MBD5: variants seen among roughly 807,000 people sequenced by gnomAD.
The protein encoded by MBD5 is methyl-CpG-binding domain protein 5.
MBD5 carries 13 observed loss-of-function variants against 117.3 expected under a neutral mutation model. The ratio of observed to expected loss-of-function variants is 0.11; its 90% CI spans 0.07 to 0.18. The LOEUF (loss-of-function observed/expected upper bound fraction) is 0.18. Ranked by LOEUF, MBD5 falls within the 10% of genes least tolerant of loss-of-function variation. The pLI, the probability that MBD5 is intolerant of heterozygous loss-of-function variation, is 1.00. For synonymous variants in MBD5, 727 were observed against 766.4 expected (o/e 0.95, Z 0.85); for missense variants, 1,879 against 2,093.8 (o/e 0.90, Z 2.00).
intron 2 of MBD5, among the ~76,000 whole-genome samples, chr2:148,221,066 A>G (rs977293946): frequency 2.0e-5 from 3 of 152,128 alleles, no homozygotes; most frequent in Non-Finnish European, 2.9e-5. Context: ...ACTTAGCATA[A>G]TGACCTCTAG....
intron 3 of MBD5, among the ~76,000 whole-genome samples, chr2:148,339,485 A>G (rs2105124455): frequency 6.6e-6 from 1 of 152,230 alleles, no homozygotes; most frequent in African/African-American, 2.4e-5. Flanking sequence ...ATAAATAAGC[A>G]AGAAAATGGA....
At chr2:148,446,618 G>GTGTGTGTA (rs1334221139) in intron 4 of MBD5, among the ~76,000 whole-genome samples, 2 of 151,900 alleles carry the variant, frequency 1.3e-5, no homozygotes, top group African/African-American at 4.8e-5. Flanking sequence ...GTGTGTGTGT[G>GTGTGTGTA]TGTGTGTGTG....
chr2:148,423,911 G>A (rs1321423785), intron 4 of MBD5, among the ~76,000 whole-genome samples: 1 of 151,978 alleles, frequency 6.6e-6, no homozygotes, highest in Non-Finnish European at 1.5e-5. Flanking sequence ...AGGCATGGTG[G>A]CTCACGCCTG....
intron 9 of MBD5, 117 bp from the exon 10 acceptor site, chr2:148,485,625 C>A: frequency 1.3e-6 from 1 of 769,046 alleles, no homozygotes; most frequent in Non-Finnish European, 2.2e-6. Flanking sequence ...AAAAGAAAAG[C>A]ATTACCCAAG....
At chr2:148,386,611 T>C (rs201805255) in intron 4 of MBD5, among the ~76,000 whole-genome samples, 6 of 145,884 alleles carry the variant, frequency 4.1e-5, no homozygotes, top group African/African-American at 1.3e-4. Flanking sequence ...CCCAGCTACT[T>C]GGGAGGCTGA....
chr2:148,080,477 C>T (rs1695620549), intron 1 of MBD5, among the ~76,000 whole-genome samples: 1 of 151,998 alleles, frequency 6.6e-6, no homozygotes, highest in Admixed American at 6.6e-5. Flanking sequence ...ACTTTTTGCT[C>T]TATATATAAT....
chr2:148,157,669 G>C (rs1697908151), intron 1 of MBD5, among the ~76,000 whole-genome samples: 1 of 152,126 alleles, frequency 6.6e-6, no homozygotes, highest in Admixed American at 6.5e-5. Context: ...TTTTTAAAAG[G>C]TAAAGCCTTG....
At chr2:148,355,301 G>A in intron 4 of MBD5, among the ~76,000 whole-genome samples, 1 of 144,562 alleles carries the variant, frequency 6.9e-6, no homozygotes, top group East Asian at 2.0e-4. Context: ...GTCGATTTTG[G>A]CTTTTTTTTT....
At chr2:148,418,236 G>C (rs1476325042) in intron 4 of MBD5, among the ~76,000 whole-genome samples, 2 of 152,086 alleles carry the variant, frequency 1.3e-5, no homozygotes, top group African/African-American at 4.8e-5. Context: ...CTCCTATTCT[G>C]TGGGTTGTCT....
chr2:148,076,498 A>G (rs1163696303), intron 1 of MBD5, among the ~76,000 whole-genome samples: 2 of 152,124 alleles, frequency 1.3e-5, no homozygotes, highest in East Asian at 1.9e-4. Context: ...TTCTTTCATC[A>G]TGCTGGAAAG....
intron 3 of MBD5, among the ~76,000 whole-genome samples, chr2:148,302,882 A>G (rs1701807079): frequency 6.6e-6 from 1 of 150,976 alleles, no homozygotes; most frequent in Non-Finnish European, 1.5e-5. Flanking sequence ...CTTTCATCTT[A>G]CTCTTTTCAA....
intron 1 of MBD5, among the ~76,000 whole-genome samples, chr2:148,031,050 T>C (rs1558894232): frequency 6.6e-6 from 1 of 152,138 alleles, no homozygotes. Context: ...TATAAAGTGG[T>C]AGACAATTTC....
At chr2:148,389,250 ACATATATATATATATATATATAT>A (rs1182233489) in intron 4 of MBD5, among the ~76,000 whole-genome samples, 10 of 29,148 alleles carry the variant, frequency 3.4e-4, no homozygotes, top group African/African-American at 1.2e-3. Context: ...GGAAAAAAAA[ACATATATATATATATATATATAT>A]ATATATATAT....
chr2:148,464,071 A>G, intron 7 of MBD5, 152 bp downstream of exon 7: 1 of 863,340 alleles, frequency 1.2e-6, no homozygotes, highest in South Asian at 1.8e-5. Flanking sequence ...TACAAATAGC[A>G]AACTAGTTCT....
intron 1 of MBD5, among the ~76,000 whole-genome samples, chr2:148,155,120 C>A (rs920719919): frequency 2.0e-5 from 3 of 152,120 alleles, no homozygotes; most frequent in Non-Finnish European, 4.4e-5. Flanking sequence ...TTGACAAATT[C>A]TTTGGAGAAA....
chr2:148,370,719 G>A (rs1467584818), intron 4 of MBD5, among the ~76,000 whole-genome samples: 1 of 152,080 alleles, frequency 6.6e-6, no homozygotes, highest in Admixed American at 6.6e-5. Context: ...GAACTCCTGA[G>A]CCCAAGAGAT....
Position 148,483,155 on chromosome 2 carries a change from A to G in MBD5, c.2564A>G (p.His855Arg). Reference protein sequence around the residue: ...SSSIAIAGTNHPAITKTTSVL... With the variant: ...SSSIAIAGTNRPAITKTTSVL... ...TCCATAGCCATAGCGGGCACCAACCACCCTGCCATCACAAAGACAACATCT... is the reference window on the plus strand; with the variant it reads ...TCCATAGCCATAGCGGGCACCAACCGCCCTGCCATCACAAAGACAACATCT... Residue 855 changes from histidine (H) to arginine (R), a missense_variant, in exon 9 of 14, where the codon CAC becomes CGC. Transcript: ENST00000642680. 2.5e-6 allele frequency: 4 copies of G among 1,612,134 alleles called. No individual in the cohort carries two copies. The highest frequency in any genetic ancestry group is 3.4e-6 in the Non-Finnish European group (4 of 1,179,744).
intron 3 of MBD5, among the ~76,000 whole-genome samples, chr2:148,322,882 A>G (rs1201767098): frequency 6.6e-6 from 1 of 151,834 alleles, no homozygotes; most frequent in African/African-American, 2.4e-5. Context: ...TTTAGGGTAC[A>G]TGTGCACAAT....
chr2:148,256,084 A>T (rs2106269685), intron 3 of MBD5, among the ~76,000 whole-genome samples: 1 of 152,332 alleles, frequency 6.6e-6, no homozygotes, highest in East Asian at 1.9e-4. Context: ...CAGCGGCCCG[A>T]TGTAGTCTAT....
Sources: gnomAD v4.1 joint callset for allele counts (sites outside exome capture counted in the v4.1 genomes callset) on GRCh38, gnomAD v4.1.1 for gene constraint, MANE v1.5 for transcripts, NCBI Gene and HGNC (gene_info 2026-07-23, HGNC 2026-07-21) for gene names.